Variants in ZNF492 observed in about 807,000 individuals in gnomAD.
ZNF492 encodes zinc finger protein 115 (Y20).
A neutral mutation model predicts 6.4 loss-of-function variants in ZNF492; 3 were observed. The observed-to-expected ratio is 0.47, with a 90% CI of 0.21 to 1.22. The LOEUF (loss-of-function observed/expected upper bound fraction) is 1.22, where lower values mean the gene tolerates loss of function less well. ZNF492 is among the 50% of genes most tolerant of loss of function. The probability of loss-of-function intolerance (pLI) is 0.22; values close to 1 mark genes in which losing one functional copy is unlikely to be tolerated. For missense variants in ZNF492, 356 were observed against 612.5 expected (o/e 0.58, Z 4.42); for synonymous variants, 112 against 205.3 (o/e 0.55, Z 3.89).
chr19:22,642,349 C>T (rs1285745749), intron 1 of ZNF492, among the ~76,000 whole-genome samples: 1 of 145,752 alleles, frequency 6.9e-6, no homozygotes, highest in Admixed American at 6.8e-5. Context: ...TTGAAATATA[C>T]ATAAATTATA....
intron 3 of ZNF492, among the ~76,000 whole-genome samples, chr19:22,657,607 A>G (rs1972009212): frequency 6.6e-6 from 1 of 151,994 alleles, no homozygotes; most frequent in African/African-American, 2.4e-5. Flanking sequence ...TTCTTTGTTA[A>G]TGCTACATCA....
Position 22,658,870 on chromosome 19 carries a change from T to G in ZNF492, c.130+4855T>G, listed in dbSNP as rs1972024525. On this transcript the variant is annotated intron_variant, in intron 3 of 3. Coordinates refer to ENST00000456783, the MANE Select transcript of ZNF492 (RefSeq NM_020855.3). Reference sequence around the variant, plus strand: ...CTGCATTCTATTTTATTAGTCTACTTTTTCACCTTTATAGTCATACCAAAT... The same window carrying G: ...CTGCATTCTATTTTATTAGTCTACTGTTTCACCTTTATAGTCATACCAAAT... Among the ~76,000 whole-genome samples, 3 of 142,824 alleles carry G rather than the reference T, an allele frequency of 2.1e-5. 1 individual carries two copies. Among genetic ancestry groups the G allele is most frequent in the Admixed American group, 6.9e-5 (1 of 14,530 alleles). The allele number at this position is 142,824 out of a possible 152,430, so 93.7% of individuals were successfully genotyped here.
At chr19:22,646,226 A>G (rs1971876142) in intron 1 of ZNF492, among the ~76,000 whole-genome samples, 1 of 152,160 alleles carries the variant, frequency 6.6e-6, no homozygotes, top group Non-Finnish European at 1.5e-5. Flanking sequence ...CTCCTTGAAG[A>G]GGTCCTTCAC....
At chr19:22,648,616 GTCTGAGT>G (rs1971908283) in intron 1 of ZNF492, among the ~76,000 whole-genome samples, 1 of 152,182 alleles carries the variant, frequency 6.6e-6, no homozygotes, top group Non-Finnish European at 1.5e-5. Flanking sequence ...TGCTTCATGA[GTCTGAGT>G]TCTCCTGCAT....
chr19:22,654,924 TA>T (rs199604868), intron 3 of ZNF492, among the ~76,000 whole-genome samples: 5,330 of 148,170 alleles, frequency 0.036, 123 homozygotes, highest in South Asian at 0.053. Flanking sequence ...TCTATTGCTG[TA>T]AAAAAAAAAT....
chr19:22,655,813 GTTGTTTTTTTTT>G lies in ZNF492; in HGVS notation c.130+1801_130+1812del, dbSNP rs1317102713. ...GCAAACACCTCTTCAAGTTTTTCTT[GTTGTTTTTTTTT>G]TTTTTTTTTTTTTTTTTGAGACAGC... On this transcript the variant is annotated intron_variant, in intron 3 of 3. Transcript: ENST00000456783. Among the ~76,000 whole-genome samples, 10 of 64,892 alleles carry G rather than the reference GTTGTTTTTTTTT, an allele frequency of 1.5e-4. No individual in the cohort carries two copies. In the East Asian group the frequency reaches 2.6e-3, roughly 17 times the overall value. 42.6% of individuals were successfully genotyped at this position (64,892 alleles called of 152,430 possible).
chr19:22,641,743 A>C (rs1971827158), intron 1 of ZNF492, among the ~76,000 whole-genome samples: 1 of 152,152 alleles, frequency 6.6e-6, no homozygotes, highest in Non-Finnish European at 1.5e-5. Flanking sequence ...TTCTCTTCAT[A>C]GGTCTCTAAC....
chr19:22,653,579 C>T (rs941959643), intron 2 of ZNF492, 146 bp downstream of exon 2: 1 of 1,177,754 alleles, frequency 8.5e-7, no homozygotes, highest in Non-Finnish European at 1.2e-6. Context: ...AAAAGAATTT[C>T]AAGATGTTTC....
At chr19:22,662,174 A>G (rs56271778) in intron 3 of ZNF492, among the ~76,000 whole-genome samples, 29,305 of 151,862 alleles carry the variant, frequency 0.19, 3,653 homozygotes, top group African/African-American at 0.36. Flanking sequence ...ATGAGTGAGA[A>G]CATGTGGTGT....
intron 3 of ZNF492, among the ~76,000 whole-genome samples, chr19:22,654,306 C>T (rs7250285): frequency 0.19 from 29,185 of 151,976 alleles, 3,688 homozygotes; most frequent in African/African-American, 0.36. Context: ...GACTTTTTCA[C>T]TGTTTTTGAA....
At chr19:22,649,205 T>C (rs561055984) in intron 1 of ZNF492, among the ~76,000 whole-genome samples, 2 of 152,330 alleles carry the variant, frequency 1.3e-5, no homozygotes, top group South Asian at 4.1e-4. Flanking sequence ...TTTGGCTCGA[T>C]ATAAAATTCT....
intron 1 of ZNF492, among the ~76,000 whole-genome samples, chr19:22,637,117 G>A (rs1178655838): frequency 1.3e-5 from 2 of 150,612 alleles, no homozygotes; most frequent in African/African-American, 4.9e-5. Flanking sequence ...CACCACGCCC[G>A]GGTAATTTTT....
At position 22,666,041 on chromosome 19, in the gene ZNF492, A is replaced by G. The variant is rs1972122181; in HGVS notation, c.*776A>G. ...GTTACAAGTATACTTTTTTTTAGAA[A>G]GATTACAGATTTTTTTTAAAAGTAA... On this transcript the variant is annotated 3_prime_UTR_variant, in exon 4 of 4. Coordinates refer to ENST00000456783, the MANE Select transcript of ZNF492 (RefSeq NM_020855.3). 2 of 145,226 alleles carry G rather than the reference A, an allele frequency of 1.4e-5. No homozygotes were observed. Among genetic ancestry groups the G allele is most frequent in the South Asian group, 2.1e-4 (1 of 4,716 alleles). The allele number at this position is 145,226 out of a possible 1,614,324, so 9.0% of individuals were successfully genotyped here. A position where few individuals can be genotyped will look rare whatever the true frequency, so the allele number is the denominator to read the frequency against.
At chr19:22,651,215 C>G (rs965017301) in intron 1 of ZNF492, among the ~76,000 whole-genome samples, 2 of 152,054 alleles carry the variant, frequency 1.3e-5, no homozygotes, top group African/African-American at 2.4e-5. Context: ...TTCTTCCTCT[C>G]TGTGGGTCAT....
At chr19:22,655,014 C>T (rs138236136) in intron 3 of ZNF492, among the ~76,000 whole-genome samples, 4,407 of 151,306 alleles carry the variant, frequency 0.029, 69 homozygotes, top group East Asian at 0.075. Flanking sequence ...TTCTTTCAGC[C>T]GGGCATGGTG....
At chr19:22,638,258 T>G (rs996723395) in intron 1 of ZNF492, among the ~76,000 whole-genome samples, 1 of 152,182 alleles carries the variant, frequency 6.6e-6, no homozygotes, top group African/African-American at 2.4e-5. Flanking sequence ...GCAATTGCTT[T>G]TGGTATCTTT....
chr19:22,662,465 G>A (rs1972068970), intron 3 of ZNF492, among the ~76,000 whole-genome samples: 1 of 152,210 alleles, frequency 6.6e-6, no homozygotes, highest in Admixed American at 6.5e-5. Flanking sequence ...GGGATGGCTG[G>A]CTCAAATGGT....
At chr19:22,661,816 C>G (rs150876049) in intron 3 of ZNF492, among the ~76,000 whole-genome samples, 2 of 152,170 alleles carry the variant, frequency 1.3e-5, no homozygotes, top group East Asian at 1.9e-4. Context: ...GGCTTGGTCT[C>G]AAACTCCTGA....
chr19:22,654,245 A>G (rs1157594662), intron 3 of ZNF492, among the ~76,000 whole-genome samples: 6 of 152,180 alleles, frequency 3.9e-5, no homozygotes, highest in African/African-American at 1.4e-4. Context: ...TCAAGTTTAC[A>G]GTGACAGCCA....
Sources: gnomAD v4.1 joint callset for allele counts (sites outside exome capture counted in the v4.1 genomes callset) on GRCh38, gnomAD v4.1.1 for gene constraint, MANE v1.5 for transcripts, NCBI Gene and HGNC (gene_info 2026-07-23, HGNC 2026-07-21) for gene names.